TENM2: variants seen among roughly 807,000 people sequenced by gnomAD.
The protein encoded by TENM2 is teneurin-2.
Under a neutral mutation model 245.2 loss-of-function variants are expected in TENM2, and 52 were observed. That is an observed-to-expected ratio of 0.21 (90% confidence interval 0.17 to 0.27). TENM2 has a LOEUF of 0.27. Ranked by LOEUF, TENM2 falls within the 10% of genes least tolerant of loss-of-function variation. The pLI, the probability that TENM2 is intolerant of heterozygous loss-of-function variation, is 1.00. For synonymous variants in TENM2, 1,363 were observed against 1,438.9 expected (o/e 0.95, Z 1.19); for missense variants, 3,046 against 3,666.8 (o/e 0.83, Z 4.37).
chr5:167,849,995 C>T (rs191119916), intron 2 of TENM2, among the ~76,000 whole-genome samples: 4 of 152,138 alleles, frequency 2.6e-5, no homozygotes, highest in East Asian at 1.9e-4. Context: ...CATCATTGTC[C>T]GTGGGTGATC....
chr5:167,990,151 G>C (rs567437810), intron 4 of TENM2, among the ~76,000 whole-genome samples: 2 of 152,268 alleles, frequency 1.3e-5, no homozygotes, highest in South Asian at 4.1e-4. Context: ...TAAATTCGGA[G>C]GACTCCTAAA....
chr5:167,357,525 G>T (rs981968032), intron 1 of TENM2, among the ~76,000 whole-genome samples: 13 of 152,134 alleles, frequency 8.5e-5, no homozygotes, highest in Non-Finnish European at 1.8e-4. Context: ...CTCCCAAAGT[G>T]CTGGGATTAC....
intron 1 of TENM2, among the ~76,000 whole-genome samples, chr5:167,355,063 T>TA (rs1759220460): frequency 6.6e-6 from 1 of 152,190 alleles, no homozygotes; most frequent in Non-Finnish European, 1.5e-5. Flanking sequence ...CTGTTTATCT[T>TA]ACTTATTAGC....
intron 23 of TENM2, 65 bp from the exon 26 acceptor site, chr5:168,226,023 G>T: frequency 6.8e-7 from 1 of 1,477,002 alleles, no homozygotes; most frequent in East Asian, 2.4e-5. Flanking sequence ...GTGAGTCTTG[G>T]GAACACTGTC....
the TENM2 span, among the ~76,000 whole-genome samples, chr5:167,030,891 T>A: frequency 2.0e-5 from 3 of 152,146 alleles, no homozygotes; most frequent in Admixed American, 1.3e-4. Flanking sequence ...ATTGGGCTGA[T>A]GGTGGGTATT....
At chr5:167,620,270 A>C (rs1202279132) in intron 2 of TENM2, among the ~76,000 whole-genome samples, 1 of 152,100 alleles carries the variant, frequency 6.6e-6, no homozygotes, top group Admixed American at 6.6e-5. Flanking sequence ...TGCGGGGAGC[A>C]CTTGGAGGGG....
chr5:168,226,975 C>A (rs566000085), intron 24 of TENM2, among the ~76,000 whole-genome samples: 1 of 152,238 alleles, frequency 6.6e-6, no homozygotes, highest in African/African-American at 2.4e-5. Flanking sequence ...CACAGCGGAG[C>A]CTGTTTCAAT....
intron 2 of TENM2, among the ~76,000 whole-genome samples, chr5:167,861,738 C>T (rs528466944): frequency 6.6e-6 from 1 of 152,308 alleles, no homozygotes; most frequent in South Asian, 2.1e-4. Flanking sequence ...TAGAAGGGCA[C>T]ACATTTAATT....
chr5:168,016,493 CA>C (rs1263283143), intron 5 of TENM2, among the ~76,000 whole-genome samples: 1 of 152,212 alleles, frequency 6.6e-6, no homozygotes, highest in Non-Finnish European at 1.5e-5. Context: ...AAGCATAAAT[CA>C]AATAACTTGC....
chr5:168,118,953 C>G (rs970610127), intron 10 of TENM2, among the ~76,000 whole-genome samples: 1 of 152,110 alleles, frequency 6.6e-6, no homozygotes, highest in African/African-American at 2.4e-5. Flanking sequence ...CCTTGCCTCC[C>G]TTCCAAACAA....
intron 9 of TENM2, among the ~76,000 whole-genome samples, chr5:168,099,809 T>C (rs1405280927): frequency 6.6e-6 from 1 of 152,244 alleles, no homozygotes; most frequent in African/African-American, 2.4e-5. Context: ...CTGGGTCTGA[T>C]GGCACGTGCG....
intron 13 of TENM2, among the ~76,000 whole-genome samples, chr5:168,171,915 G>C (rs571505394): frequency 6.6e-6 from 1 of 152,234 alleles, no homozygotes; most frequent in African/African-American, 2.4e-5. Context: ...GCCCTAGATG[G>C]TGGCAGGCAC....
intron 3 of TENM2, 147 bp from the exon 6 acceptor site, chr5:167,952,441 G>A: frequency 1.5e-6 from 1 of 645,610 alleles, no homozygotes; most frequent in Non-Finnish European, 2.7e-6. Context: ...TGGGATGCCT[G>A]CCGCAGTCTT....
chr5:168,167,266 C>T (rs1223430099), intron 13 of TENM2, among the ~76,000 whole-genome samples: 1 of 151,798 alleles, frequency 6.6e-6, no homozygotes, highest in Non-Finnish European at 1.5e-5. Flanking sequence ...TCATCACAGC[C>T]AGGGGTAGGA....
the TENM2 span, among the ~76,000 whole-genome samples, chr5:167,112,946 G>A: frequency 6.6e-6 from 1 of 152,104 alleles, no homozygotes; most frequent in Non-Finnish European, 1.5e-5. Context: ...TCATAATAAG[G>A]GTAAAAGTGA....
chr5:167,751,678 A>G (rs12516588), intron 2 of TENM2, among the ~76,000 whole-genome samples: 2 of 152,010 alleles, frequency 1.3e-5, no homozygotes, highest in African/African-American at 4.8e-5. Context: ...TTTAGATACA[A>G]CTGTTTCCAG....
intron 1 of TENM2, among the ~76,000 whole-genome samples, chr5:167,318,369 A>G (rs1189421740): frequency 6.6e-6 from 1 of 152,196 alleles, no homozygotes; most frequent in Non-Finnish European, 1.5e-5. Flanking sequence ...CAAGGTTACT[A>G]CAATAACTTG....
At chr5:167,423,916 C>T (rs907547739) in intron 2 of TENM2, among the ~76,000 whole-genome samples, 1 of 152,298 alleles carries the variant, frequency 6.6e-6, no homozygotes, top group Middle Eastern at 3.4e-3. Context: ...ACCTCCTCAA[C>T]CCCTTAAATG....
At chr5:167,915,677 C>T (rs1776884549) in intron 3 of TENM2, among the ~76,000 whole-genome samples, 1 of 152,168 alleles carries the variant, frequency 6.6e-6, no homozygotes, top group Non-Finnish European at 1.5e-5. Flanking sequence ...AAGGCATAAA[C>T]CAAAAGAACA....
Sources: allele counts gnomAD v4.1 joint callset (sites outside exome capture counted in the v4.1 genomes callset), GRCh38; gene constraint gnomAD v4.1.1; transcripts MANE v1.5; gene names NCBI Gene and HGNC (gene_info 2026-07-23, HGNC 2026-07-21).